Variants in EXOC6B observed in about 807,000 individuals in gnomAD.
EXOC6B encodes exocyst complex component 6B.
EXOC6B carries 54 observed loss-of-function variants against 113.5 expected under a neutral mutation model. The ratio of observed to expected loss-of-function variants is 0.48; its 90% CI spans 0.38 to 0.60. The LOEUF (loss-of-function observed/expected upper bound fraction) is 0.60, where lower values mean the gene tolerates loss of function less well. Among genes scored for constraint, EXOC6B ranks in the 20% least tolerant of loss-of-function variants. EXOC6B has a pLI of 0.00. For missense variants in EXOC6B, 797 were observed against 977.5 expected (o/e 0.82, Z 2.46); for synonymous variants, 357 against 339.0 (o/e 1.05, Z -0.58).
intron 6 of EXOC6B, among the ~76,000 whole-genome samples, chr2:72,681,825 A>C: frequency 6.6e-6 from 1 of 152,162 alleles, no homozygotes; most frequent in East Asian, 1.9e-4. Flanking sequence ...CCTAATAGAC[A>C]ATAGCCACAA....
At chr2:72,199,161 ACTAGG>A (rs2104323571) in intron 20 of EXOC6B, among the ~76,000 whole-genome samples, 1 of 152,248 alleles carries the variant, frequency 6.6e-6, no homozygotes, top group South Asian at 2.1e-4. Flanking sequence ...TCTGACAACC[ACTAGG>A]CTGTAATATT....
chr2:72,751,409 G>T (rs936109637), intron 1 of EXOC6B, among the ~76,000 whole-genome samples: 3 of 152,014 alleles, frequency 2.0e-5, no homozygotes, highest in African/African-American at 7.2e-5. Flanking sequence ...TACAATAAGG[G>T]GTTGTAGAGA....
chr2:72,602,281 A>G (rs1670481253), intron 6 of EXOC6B, among the ~76,000 whole-genome samples: 1 of 152,240 alleles, frequency 6.6e-6, no homozygotes, highest in African/African-American at 2.4e-5. Flanking sequence ...AGATAAAATC[A>G]GGATAATTAT....
chr2:72,233,005 G>A (rs1465993899), intron 20 of EXOC6B, among the ~76,000 whole-genome samples: 1 of 151,770 alleles, frequency 6.6e-6, no homozygotes, highest in East Asian at 1.9e-4. Context: ...CAGGGAGGTG[G>A]AGGTTTCAGT....
intron 18 of EXOC6B, among the ~76,000 whole-genome samples, chr2:72,451,976 C>A (rs901532863): frequency 7.2e-5 from 11 of 151,970 alleles, no homozygotes; most frequent in African/African-American, 1.7e-4. Flanking sequence ...AACTCCTCAC[C>A]CCACAACATG....
At chr2:72,639,958 G>T (rs1050275770) in intron 6 of EXOC6B, among the ~76,000 whole-genome samples, 2 of 152,224 alleles carry the variant, frequency 1.3e-5, no homozygotes, top group Non-Finnish European at 2.9e-5. Context: ...AAGCCAGCGT[G>T]CTTTCTTTCC....
In EXOC6B at chr2:72,823,473, AAAAAACAAAAAAC is replaced by A. The variant is rs1449296804; in HGVS notation, c.113+2312_113+2324del. On this transcript the variant is annotated intron_variant, in intron 1 of 21. Transcript: ENST00000272427. ...CAAAGTTTTAAGAAAAAAAAAAAAA[AAAAAACAAAAAAC>A]AAAAAAAAAGACAGTGGCCAGGCAC... Among the ~76,000 whole-genome samples, 160 of 117,672 alleles carry A rather than the reference AAAAAACAAAAAAC, an allele frequency of 1.4e-3. 16 individuals are homozygous for A. Among genetic ancestry groups the A allele is most frequent in the African/African-American group, 4.4e-3 (135 of 30,540 alleles). 77.2% of individuals were successfully genotyped at this position (117,672 alleles called of 152,430 possible). A position where few individuals can be genotyped will look rare whatever the true frequency, so the allele number is the denominator to read the frequency against.
intron 20 of EXOC6B, among the ~76,000 whole-genome samples, chr2:72,317,211 C>A (rs932817367): frequency 6.6e-6 from 1 of 150,902 alleles, no homozygotes; most frequent in South Asian, 2.1e-4. Flanking sequence ...GAAAAGTCAT[C>A]AATAGCAAGG....
chr2:72,541,570 G>T (rs139650732), intron 8 of EXOC6B, among the ~76,000 whole-genome samples: 1 of 152,264 alleles, frequency 6.6e-6, no homozygotes, highest in African/African-American at 2.4e-5. Flanking sequence ...AACATTAAAT[G>T]TGGATGGGTT....
At chr2:72,693,457 CT>C (rs1677645902) in intron 6 of EXOC6B, among the ~76,000 whole-genome samples, 1 of 152,160 alleles carries the variant, frequency 6.6e-6, no homozygotes, top group Admixed American at 6.5e-5. Flanking sequence ...CTGTGTATAG[CT>C]CTTTTCTTTG....
At chr2:72,416,864 AC>A (rs1694558494) in intron 18 of EXOC6B, among the ~76,000 whole-genome samples, 1 of 152,096 alleles carries the variant, frequency 6.6e-6, no homozygotes, top group Non-Finnish European at 1.5e-5. Flanking sequence ...AGACTCTTTT[AC>A]AAAAAGCATC....
chr2:72,795,500 C>T (rs1176056251), intron 1 of EXOC6B, among the ~76,000 whole-genome samples: 1 of 152,034 alleles, frequency 6.6e-6, no homozygotes, highest in African/African-American at 2.4e-5. Context: ...GGCGTGAACC[C>T]GGGAGGCAGA....
chr2:72,521,382 C>T (rs1701479196), intron 8 of EXOC6B, among the ~76,000 whole-genome samples: 2 of 152,062 alleles, frequency 1.3e-5, no homozygotes, highest in Non-Finnish European at 2.9e-5. Context: ...GTTATACCAG[C>T]ACAAATGGAC....
intron 20 of EXOC6B, among the ~76,000 whole-genome samples, chr2:72,301,633 T>TA (rs963426403): frequency 1.1e-4 from 17 of 152,174 alleles, no homozygotes; most frequent in African/African-American, 4.1e-4. Flanking sequence ...TTTGTGCACA[T>TA]ACAGGTGTTC....
intron 18 of EXOC6B, among the ~76,000 whole-genome samples, chr2:72,442,043 C>T (rs1696235874): frequency 1.3e-5 from 2 of 152,144 alleles, no homozygotes; most frequent in South Asian, 4.1e-4. Flanking sequence ...CATCAAAAAG[C>T]TTATGCACCA....
chr2:72,213,780 C>A (rs1327781689), intron 20 of EXOC6B, among the ~76,000 whole-genome samples: 2 of 152,136 alleles, frequency 1.3e-5, no homozygotes, highest in Admixed American at 1.3e-4. Flanking sequence ...TGAGAGAAAC[C>A]TCTTACCCCT....
intron 6 of EXOC6B, among the ~76,000 whole-genome samples, chr2:72,644,037 T>G (rs1673486698): frequency 6.6e-6 from 1 of 152,046 alleles, no homozygotes; most frequent in African/African-American, 2.4e-5. Context: ...ACAAGGAAGC[T>G]GAAAACCTTG....
At chr2:72,288,478 T>C (rs915271527) in intron 20 of EXOC6B, among the ~76,000 whole-genome samples, 1 of 151,986 alleles carries the variant, frequency 6.6e-6, no homozygotes, top group African/African-American at 2.4e-5. Flanking sequence ...GAGATCAATA[T>C]AACAAAGTAT....
chr2:72,384,924 T>C (rs935388691), intron 18 of EXOC6B, among the ~76,000 whole-genome samples: 2 of 152,136 alleles, frequency 1.3e-5, no homozygotes, highest in Non-Finnish European at 2.9e-5. Context: ...ATTGTTAAAA[T>C]GTCCATTCTA....
Sources: gnomAD v4.1 joint callset for allele counts (sites outside exome capture counted in the v4.1 genomes callset) on GRCh38, gnomAD v4.1.1 for gene constraint, MANE v1.5 for transcripts, NCBI Gene and HGNC (gene_info 2026-07-23, HGNC 2026-07-21) for gene names.